Variants in CIBAR1 observed in about 807,000 individuals in gnomAD.
CIBAR1 encodes the protein CBY1 interacting BAR domain containing 1.
Under a neutral mutation model 44.0 loss-of-function variants are expected in CIBAR1, and 25 were observed. That is an observed-to-expected ratio of 0.57 (90% CI 0.41 to 0.79). The LOEUF (loss-of-function observed/expected upper bound fraction) is 0.79. Ranked by LOEUF, CIBAR1 falls within the 30% of genes least tolerant of loss-of-function variation. The probability of loss-of-function intolerance (pLI) is 0.00; values close to 1 mark genes in which losing one functional copy is unlikely to be tolerated. For missense variants in CIBAR1, 278 were observed against 344.8 expected (o/e 0.81, Z 1.53); for synonymous variants, 115 against 119.0 (o/e 0.97, Z 0.22).
chr8:93,718,062 C>T (rs981551623), intron 6 of CIBAR1, among the ~76,000 whole-genome samples: 4 of 152,194 alleles, frequency 2.6e-5, no homozygotes, highest in African/African-American at 9.7e-5. Flanking sequence ...TGAGCTATAA[C>T]CTTGTAGCCT....
intron 7 of CIBAR1, among the ~76,000 whole-genome samples, chr8:93,724,227 G>A (rs1414596681): frequency 6.6e-6 from 1 of 152,134 alleles, no homozygotes; most frequent in Admixed American, 6.5e-5. Flanking sequence ...TCTAAAGAGA[G>A]CAATAACATA....
chr8:93,726,565 G>C, intron 8 of CIBAR1, 52 bp downstream of exon 8: 1 of 1,594,838 alleles, frequency 6.3e-7, no homozygotes, highest in South Asian at 1.1e-5. Flanking sequence ...CTTTGGAATT[G>C]TTGAGTTCTA....
intron 6 of CIBAR1, among the ~76,000 whole-genome samples, chr8:93,717,108 C>T (rs1323556968): frequency 1.3e-5 from 2 of 152,226 alleles, no homozygotes; most frequent in African/African-American, 4.8e-5. Context: ...CTCAGCCTGC[C>T]AAGTAGCTGG....
intron 4 of CIBAR1, 23 bp downstream of exon 4, chr8:93,705,033 T>TA (rs761611909): frequency 6.5e-7 from 1 of 1,541,860 alleles, no homozygotes; most frequent in Admixed American, 1.7e-5. Context: ...TTTGGGTCTT[T>TA]AAAAAAATGT....
At chr8:93,715,677 G>A (rs530140849) in intron 6 of CIBAR1, 50 of 152,234 alleles carry the variant, frequency 3.3e-4, no homozygotes, top group African/African-American at 9.1e-4. Flanking sequence ...TGGGACCACC[G>A]TATATATAGC....
At position 93,707,893 on chromosome 8, in the gene CIBAR1, G is replaced by T. The variant is rs559241322; in HGVS notation, c.433-118G>T. ...CATAAGTAACCATAATTGATATATG[G>T]TTACAATTAATATATAACCTAATTG... On this transcript the variant is annotated intron_variant, in intron 4 of 8. Coordinates refer to ENST00000518322, the MANE Select transcript of CIBAR1 (RefSeq NM_145269.5). 35 of 573,892 alleles carry T rather than the reference G, an allele frequency of 6.1e-5. 2 individuals carry two copies. In the East Asian group the frequency reaches 1.0e-3, roughly 16 times the overall value. 35.5% of individuals were successfully genotyped at this position (573,892 alleles called of 1,614,324 possible). A position where few individuals can be genotyped will look rare whatever the true frequency, so the allele number is the denominator to read the frequency against.
At position 93,701,344 on chromosome 8, in the gene CIBAR1, C is replaced by T; in HGVS notation, c.147C>T (p.Asp49=). The T allele has an allele frequency of 6.2e-7, 1 of 1,613,894 alleles. No homozygotes were observed. The highest frequency in any genetic ancestry group is 8.5e-7 in the Non-Finnish European group (1 of 1,179,874). ...CTGCCAGGCTGAGAGACAAAGCAGACCTCCTGGTGAATGAAATTAACGCGT... is the reference window on the plus strand; with the variant it reads ...CTGCCAGGCTGAGAGACAAAGCAGATCTCCTGGTGAATGAAATTAACGCGT... The part of the protein sequence containing the change: ...RKTARLRDKA[D]LLVNEINAYA... Residue 49 remains aspartate, a synonymous_variant, in exon 2 of 9, where the codon GAC becomes GAT. Coordinates refer to ENST00000518322, the MANE Select transcript of CIBAR1 (RefSeq NM_145269.5).
intron 6 of CIBAR1, among the ~76,000 whole-genome samples, chr8:93,711,345 CTTAA>C (rs1424048716): frequency 6.6e-6 from 1 of 152,174 alleles, no homozygotes; most frequent in Non-Finnish European, 1.5e-5. Context: ...TTATCTGCCA[CTTAA>C]TTATATTATT....
chr8:93,701,045 T>A (rs899615262), intron 1 of CIBAR1, 179 bp from the exon 2 acceptor site: 1 of 1,450,598 alleles, frequency 6.9e-7, no homozygotes, highest in East Asian at 2.5e-5. Flanking sequence ...GCCTACACAG[T>A]CCGGATAGTG....
chr8:93,710,284 C>T (rs1011268226), intron 6 of CIBAR1, among the ~76,000 whole-genome samples: 1 of 151,650 alleles, frequency 6.6e-6, no homozygotes, highest in Non-Finnish European at 1.5e-5. Context: ...CAGACCCTGC[C>T]CACCCCACCC....
At chr8:93,710,006 C>G in intron 6 of CIBAR1, 131 bp downstream of exon 6, 1 of 650,634 alleles carries the variant, frequency 1.5e-6, no homozygotes, top group Admixed American at 2.8e-5. Context: ...AATAAGGGGG[C>G]GGGCACAGTG....
At chr8:93,702,261 A>G in intron 2 of CIBAR1, 1 of 427,124 alleles carries the variant, frequency 2.3e-6, no homozygotes, top group Admixed American at 2.6e-5. Context: ...GAGTAATCAT[A>G]TTTGGAGGTA....
intron 7 of CIBAR1, 52 bp downstream of exon 7, chr8:93,718,840 A>G (rs1811133374): frequency 1.8e-6 from 2 of 1,124,270 alleles, no homozygotes; most frequent in African/African-American, 1.6e-5. Context: ...GGAAATATTT[A>G]AAAGAGAACA....
At chr8:93,726,822 T>C (rs142454598) in intron 8 of CIBAR1, 48 of 353,196 alleles carry the variant, frequency 1.4e-4, no homozygotes, top group African/African-American at 8.8e-4. Context: ...GAAGTCCAAC[T>C]TAGGTTTAAA....
At chr8:93,712,682 C>G (rs948908616) in intron 6 of CIBAR1, among the ~76,000 whole-genome samples, 2 of 152,168 alleles carry the variant, frequency 1.3e-5, no homozygotes, top group Admixed American at 1.3e-4. Flanking sequence ...GTTACAACTT[C>G]TCTGCATCCT....
intron 8 of CIBAR1, chr8:93,727,260 T>C (rs1811559208): frequency 3.5e-6 from 4 of 1,128,144 alleles, no homozygotes; most frequent in Admixed American, 2.6e-5. Context: ...TTTGATACCA[T>C]ACTTTCTATT....
At chr8:93,719,967 T>TC (rs1372022559) in intron 7 of CIBAR1, 2 of 151,198 alleles carry the variant, frequency 1.3e-5, no homozygotes, top group East Asian at 3.9e-4. Context: ...TCCCCCGATT[T>TC]TTTTTTTTTT....
At chr8:93,717,831 A>G (rs528616949) in intron 6 of CIBAR1, among the ~76,000 whole-genome samples, 21 of 152,304 alleles carry the variant, frequency 1.4e-4, no homozygotes, top group Non-Finnish European at 2.4e-4. Flanking sequence ...CATATTTATT[A>G]AAAACTTGCC....
intron 7 of CIBAR1, chr8:93,720,883 G>GA (rs1349306733): frequency 6.6e-6 from 1 of 151,838 alleles, no homozygotes; most frequent in Non-Finnish European, 1.5e-5. Flanking sequence ...AAAAAAACTT[G>GA]ATTATCAAGC....
Sources: allele counts gnomAD v4.1 joint callset (sites outside exome capture counted in the v4.1 genomes callset), GRCh38; gene constraint gnomAD v4.1.1; transcripts MANE v1.5; gene names NCBI Gene and HGNC (gene_info 2026-07-23, HGNC 2026-07-21).